The following SAA4 variants were observed in gnomAD, a reference collection of about 807,000 sequenced individuals.
SAA4 encodes the protein serum amyloid A4, constitutive, also known as serum amyloid A-4 protein.
In SAA4, 8 loss-of-function variants were observed where a neutral mutation model predicts 11.2. The observed-to-expected ratio is 0.71, with a 90% CI of 0.42 to 1.29. SAA4 has a LOEUF of 1.29. Ranked by LOEUF, SAA4 falls within the 50% of genes most tolerant of loss-of-function variation. The probability of loss-of-function intolerance (pLI) is 0.01; values close to 1 mark genes in which losing one functional copy is unlikely to be tolerated. For missense variants in SAA4, 171 were observed against 164.2 expected (o/e 1.04, Z -0.23); for synonymous variants, 60 against 56.2 (o/e 1.07, Z -0.30).
At chr11:18,234,981 G>A (rs911388383) in intron 2 of SAA4, among the ~76,000 whole-genome samples, 39 of 152,306 alleles carry the variant, frequency 2.6e-4, no homozygotes, top group East Asian at 9.6e-4. Flanking sequence ...AACACCGGCC[G>A]ATTTAAATGC....
At position 18,232,806 on chromosome 11, in the gene SAA4, G is replaced by C. The variant is rs532869875; in HGVS notation, c.92-273C>G. On this transcript the variant is annotated intron_variant, in intron 2 of 3. Transcript: ENST00000278222. ...CTGTGTGTGCTGTGTACAAAGAGGG[G>C]ACGCTCATGTGAGGAATGCTTTTCC... Among the ~76,000 whole-genome samples the C allele has an allele frequency of 2.6e-5, 4 of 151,886 alleles. No individual in the cohort carries two copies. The East Asian group carries it at 7.7e-4, about 29-fold the overall frequency.
chr11:18,235,777 T>C, intron 2 of SAA4, 59 bp downstream of exon 2: 2 of 1,548,234 alleles, frequency 1.3e-6, no homozygotes, highest in Admixed American at 1.7e-5. Flanking sequence ...CCAGTGAGTA[T>C]GTGGCCCCTG....
chr11:18,232,285 C>A, intron 3 of SAA4, 110 bp downstream of exon 3: 1 of 1,484,238 alleles, frequency 6.7e-7, no homozygotes, highest in East Asian at 2.3e-5. Flanking sequence ...TGCCAGCCAC[C>A]CAGACCCCAG....
chr11:18,234,948 C>T (rs1857188440), intron 2 of SAA4, among the ~76,000 whole-genome samples: 1 of 152,200 alleles, frequency 6.6e-6, no homozygotes, highest in Non-Finnish European at 1.5e-5. Flanking sequence ...TGAGAAGAGG[C>T]TTCAGAGTGT....
Position 18,235,852 on chromosome 11 carries a change from G to A in SAA4, c.75C>T (p.Phe25=). The change falls in exon 2 of 4, where the codon TTC becomes TTT. Residue 25 remains phenylalanine (F), a synonymous_variant. Coordinates refer to ENST00000278222, the MANE Select transcript of SAA4 (RefSeq NM_006512.4). ...GVTSESWRSF[F]KEALQGVGDM... is the part of the protein sequence containing the mutation. Reference sequence around the variant, plus strand: ...AGTTCTTACCTTGGAGAGCCTCCTTGAAAAACGAACGCCAGCTTTCACTGG... The same window carrying A: ...AGTTCTTACCTTGGAGAGCCTCCTTAAAAAACGAACGCCAGCTTTCACTGG... The A allele has an allele frequency of 6.2e-7, 1 of 1,613,576 alleles. No homozygotes were observed. Among genetic ancestry groups the A allele is most frequent in the South Asian group, 1.1e-5 (1 of 91,038 alleles).
At chr11:18,235,643 T>C (rs187546919) in intron 2 of SAA4, among the ~76,000 whole-genome samples, 193 bp downstream of exon 2, 1 of 152,142 alleles carries the variant, frequency 6.6e-6, no homozygotes, top group Non-Finnish European at 1.5e-5. Flanking sequence ...AAAGCATCTT[T>C]AACCTCTCGT....
intron 2 of SAA4, among the ~76,000 whole-genome samples, chr11:18,234,847 C>T (rs1403420414): frequency 2.0e-5 from 3 of 152,188 alleles, no homozygotes; most frequent in Non-Finnish European, 4.4e-5. Context: ...GACAGTTGTT[C>T]TCATTGGCAT....
chr11:18,233,159 G>A (rs1046362052), intron 2 of SAA4, among the ~76,000 whole-genome samples: 3 of 152,184 alleles, frequency 2.0e-5, no homozygotes, highest in African/African-American at 7.2e-5. Context: ...GGAATGACCT[G>A]AGAGAGCTTC....
chr11:18,236,151 G>C (rs548232541), intron 1 of SAA4, among the ~76,000 whole-genome samples: 5 of 150,484 alleles, frequency 3.3e-5, no homozygotes, highest in Non-Finnish European at 2.9e-5. Flanking sequence ...GACCTTCTGG[G>C]CTCAAGTGAT....
In SAA4 at chr11:18,231,407, T is replaced by C. The variant is rs1857131427; in HGVS notation, c.*95A>G. On this transcript the variant is annotated 3_prime_UTR_variant, in exon 4 of 4. Transcript: ENST00000278222. Reference sequence around the variant, plus strand: ...CCTCTAGGTGCCCTATACCAGTTCCTGGGGACACAAAGCTCAGTGACCCTG... The same window carrying C: ...CCTCTAGGTGCCCTATACCAGTTCCCGGGGACACAAAGCTCAGTGACCCTG... 1 of 1,527,526 alleles carries C rather than the reference T, an allele frequency of 6.5e-7. No homozygotes were observed. The highest frequency in any genetic ancestry group is 1.3e-5 in the South Asian group (1 of 76,792). The allele number at this position is 1,527,526 out of a possible 1,614,324, so 94.6% of individuals were successfully genotyped here.
At position 18,235,727 on chromosome 11, in the gene SAA4, G is replaced by T. The variant is rs1303512294; in HGVS notation, c.91+109C>A. On this transcript the variant is annotated intron_variant, in intron 2 of 3. Coordinates refer to ENST00000278222, the MANE Select transcript of SAA4 (RefSeq NM_006512.4). ...AACAGATACAGAAAACCACACTCCT[G>T]CTCTGACCTCTGTGTGGCTTCTCTA... 1.0e-5 allele frequency: 11 copies of T among 1,085,136 alleles called. No homozygotes were observed. The East Asian group carries it at 2.7e-4, about 26-fold the overall frequency. 67.2% of individuals were successfully genotyped at this position (1,085,136 alleles called of 1,614,324 possible).
Position 18,235,895 on chromosome 11 carries a change from G to C in SAA4, c.32C>G (p.Ser11Cys), listed in dbSNP as rs1198950008. Residue 11 changes from serine (S) to cysteine (C), a missense_variant, in exon 2 of 4, where the codon TCC becomes TGC. By Grantham distance (112) the Ser-to-Cys change is moderately radical. Coordinates refer to ENST00000278222, the MANE Select transcript of SAA4 (RefSeq NM_006512.4). MRLFTGIVFC[S>C]LVMGVTSESW... ...TTCACTGGTGACTCCCATGACCAAG[G>C]AGCAGAAAACAATGCCTGTGAAAAG... The C allele has an allele frequency of 2.5e-6, 4 of 1,613,316 alleles. No homozygotes were observed. Among genetic ancestry groups the C allele is most frequent in the Non-Finnish European group, 3.4e-6 (4 of 1,179,670 alleles).
At chr11:18,233,687 T>A (rs1300997492) in intron 2 of SAA4, among the ~76,000 whole-genome samples, 1 of 151,406 alleles carries the variant, frequency 6.6e-6, no homozygotes, top group Non-Finnish European at 1.5e-5. Context: ...AATTTTTTTT[T>A]TTTTTTTGGT....
rs755517270 is a variant in SAA4 at position 18,232,548 on chromosome 11, A to G, written c.92-15T>C. 6.2e-7 allele frequency: 1 copy of G among 1,607,050 alleles called. No homozygotes were observed. Among genetic ancestry groups the G allele is most frequent in the Non-Finnish European group, 8.5e-7 (1 of 1,176,488 alleles). ...GTCCCCAACCCCTGGAAAGAAAAAA[A>G]ATGACAAAAATGAACCCAGTGACAT... On this transcript the variant is annotated splice_polypyrimidine_tract_variant and intron_variant, in intron 2 of 3. Coordinates refer to ENST00000278222, the MANE Select transcript of SAA4 (RefSeq NM_006512.4).
chr11:18,236,635 C>G (rs998390302), intron 1 of SAA4, 82 bp downstream of exon 1: 12 of 152,116 alleles, frequency 7.9e-5, no homozygotes, highest in African/African-American at 2.9e-4. Flanking sequence ...CAGTTTCTCT[C>G]CAATTGAAAT....
intron 3 of SAA4, 83 bp from the exon 4 acceptor site, chr11:18,231,747 C>G (rs1590004686): frequency 1.3e-6 from 2 of 1,490,168 alleles, no homozygotes; most frequent in Non-Finnish European, 1.8e-6. Flanking sequence ...TAACTCCCTC[C>G]TCTTCTCCCA....
intron 1 of SAA4, 47 bp from the exon 2 acceptor site, chr11:18,235,977 A>C (rs1857202769): frequency 6.6e-7 from 1 of 1,520,650 alleles, no homozygotes; most frequent in African/African-American, 1.4e-5. Flanking sequence ...AAAAAAACAC[A>C]GATCTATGTT....
intron 3 of SAA4, among the ~76,000 whole-genome samples, 183 bp downstream of exon 3, chr11:18,232,212 C>T (rs1857144900): frequency 6.9e-6 from 1 of 145,866 alleles, no homozygotes; most frequent in South Asian, 2.2e-4. Flanking sequence ...AAGACCTCTC[C>T]TCAGTTCTTA....
intron 1 of SAA4, 43 bp from the exon 2 acceptor site, chr11:18,235,973 A>C (rs776036912): frequency 1.2e-5 from 19 of 1,538,106 alleles, no homozygotes; most frequent in African/African-American, 2.8e-5. Context: ...ATAAAAAAAA[A>C]CACAGATCTA....
Sources: gnomAD v4.1 joint callset for allele counts (sites outside exome capture counted in the v4.1 genomes callset) on GRCh38, gnomAD v4.1.1 for gene constraint, MANE v1.5 for transcripts, NCBI Gene and HGNC (gene_info 2026-07-23, HGNC 2026-07-21) for gene names.